ADGRL2: variants seen among roughly 807,000 people sequenced by gnomAD.
The protein encoded by ADGRL2 is calcium-independent alpha-latrotoxin receptor 2.
In ADGRL2, 44 loss-of-function variants were observed where a neutral mutation model predicts 157.4. The observed-to-expected ratio is 0.28, with a 90% CI of 0.22 to 0.36. The LOEUF (loss-of-function observed/expected upper bound fraction) is 0.36. ADGRL2 is among the 10% of genes least tolerant of loss of function. ADGRL2 has a pLI of 1.00. For missense variants in ADGRL2, 1,510 were observed against 1,768.9 expected, an observed-to-expected ratio of 0.85 and a Z score of 2.63; for synonymous variants, 585 against 624.7, an observed-to-expected ratio of 0.94 and a Z score of 0.95.
intron 3 of ADGRL2, among the ~76,000 whole-genome samples, chr1:81,604,294 T>C (rs1286371553): frequency 1.3e-5 from 2 of 152,132 alleles, no homozygotes; most frequent in African/African-American, 2.4e-5. Flanking sequence ...AAACAGAATA[T>C]AGATGAGCTA....
At chr1:81,791,816 T>C (rs537931092) in intron 2 of ADGRL2, among the ~76,000 whole-genome samples, 1 of 152,304 alleles carries the variant, frequency 6.6e-6, no homozygotes, top group Non-Finnish European at 1.5e-5. Context: ...TCATTATTTT[T>C]CTGAGTAAAA....
intron 3 of ADGRL2, among the ~76,000 whole-genome samples, chr1:81,691,849 G>T (rs1216433750): frequency 4.4e-5 from 5 of 113,452 alleles, no homozygotes; most frequent in African/African-American, 1.7e-4. Context: ...GAGGCAAAAT[G>T]GCATATATAT....
intron 1 of ADGRL2, among the ~76,000 whole-genome samples, chr1:81,743,353 T>G (rs2085134279): frequency 6.6e-6 from 1 of 151,210 alleles, no homozygotes; most frequent in Non-Finnish European, 1.5e-5. Flanking sequence ...AATAGGGACA[T>G]TCTTATGGGG....
Position 81,986,942 on chromosome 1 carries a change from C to T in ADGRL2, c.3550C>T (p.Pro1184Ser). 1 of 1,611,298 alleles carries T rather than the reference C, an allele frequency of 6.2e-7. No individual in the cohort carries two copies. The highest frequency in any genetic ancestry group is 8.5e-7 in the Non-Finnish European group (1 of 1,179,096). The change falls in exon 22 of 24, where the codon CCC becomes TCC. Residue 1184 changes from proline (P) to serine (S), a missense_variant. By Grantham distance (74) the Pro-to-Ser change is moderately conservative. Coordinates refer to ENST00000686636, the MANE Select transcript of ADGRL2 (RefSeq NM_001366006.2). ...CCTACTAACAAACCCTCTTCTTCGA[C>T]CCCACGGCACTAACAACCCCTATAA... The part of the protein sequence containing the change: ...NYLLTNPLLR[P>S]HGTNNPYNTL...
At chr1:81,820,647 T>C (rs761265548) in intron 1 of ADGRL2, among the ~76,000 whole-genome samples, 28 of 151,952 alleles carry the variant, frequency 1.8e-4, no homozygotes, top group Non-Finnish European at 3.5e-4. Context: ...CTTCCTTAGA[T>C]GATAAATCAG....
At chr1:81,521,530 T>C (rs2079314712) in intron 2 of ADGRL2, among the ~76,000 whole-genome samples, 1 of 152,190 alleles carries the variant, frequency 6.6e-6, no homozygotes, top group Non-Finnish European at 1.5e-5. Flanking sequence ...TATCTTATAC[T>C]TACCTATATA....
chr1:81,872,524 T>C (rs914595461), intron 2 of ADGRL2, among the ~76,000 whole-genome samples: 1 of 152,132 alleles, frequency 6.6e-6, no homozygotes, highest in Non-Finnish European at 1.5e-5. Context: ...CATTTCTCAT[T>C]GATTTTAGGT....
At chr1:81,713,892 G>T (rs1428048933) in intron 1 of ADGRL2, among the ~76,000 whole-genome samples, 1 of 152,136 alleles carries the variant, frequency 6.6e-6, no homozygotes, top group African/African-American at 2.4e-5. Flanking sequence ...AGACATACCG[G>T]AGACTGGGGA....
At chr1:81,942,757 A>G in intron 5 of ADGRL2, 1 of 606,152 alleles carries the variant, frequency 1.6e-6, no homozygotes, top group Non-Finnish European at 3.0e-6. Context: ...TTGTTAGTGA[A>G]AATAAACATA....
intron 1 of ADGRL2, among the ~76,000 whole-genome samples, chr1:81,384,864 T>C (rs1279946299): frequency 6.6e-6 from 1 of 152,182 alleles, no homozygotes; most frequent in African/African-American, 2.4e-5. Flanking sequence ...ATCCACTCAC[T>C]TTAAGTACAG....
At chr1:81,973,597 A>G (rs543910844) in intron 17 of ADGRL2, among the ~76,000 whole-genome samples, 1 of 152,232 alleles carries the variant, frequency 6.6e-6, no homozygotes, top group Non-Finnish European at 1.5e-5. Flanking sequence ...AATTTTCAAC[A>G]TACTCAGCTT....
intron 1 of ADGRL2, among the ~76,000 whole-genome samples, chr1:81,378,320 G>A (rs2076286359): frequency 1.3e-5 from 2 of 152,072 alleles, no homozygotes. Flanking sequence ...GGAGTCTGAG[G>A]CAAGAGGATG....
chr1:81,770,153 C>CTTTT (rs150798264), intron 2 of ADGRL2, among the ~76,000 whole-genome samples: 6 of 59,580 alleles, frequency 1.0e-4, no homozygotes, highest in Non-Finnish European at 1.8e-4. Flanking sequence ...CTGCACCCAG[C>CTTTT]TTTTTTTTTT....
intron 3 of ADGRL2, among the ~76,000 whole-genome samples, chr1:81,622,310 C>T (rs184521503): frequency 2.6e-4 from 40 of 152,190 alleles, no homozygotes; most frequent in African/African-American, 9.4e-4. Context: ...TGGCCGGGCA[C>T]GGTAGCTCAT....
chr1:81,426,020 C>A (rs1428316695), intron 1 of ADGRL2, among the ~76,000 whole-genome samples: 1 of 152,100 alleles, frequency 6.6e-6, no homozygotes, highest in Admixed American at 6.6e-5. Context: ...GCATGCACCA[C>A]CACACCCAGC....
chr1:81,569,452 A>G (rs2080636762), intron 2 of ADGRL2, among the ~76,000 whole-genome samples: 1 of 152,190 alleles, frequency 6.6e-6, no homozygotes, highest in African/African-American at 2.4e-5. Context: ...TGAGTCAGGA[A>G]TTAAGGGATG....
intron 2 of ADGRL2, among the ~76,000 whole-genome samples, chr1:81,528,111 G>C (rs1254636094): frequency 6.6e-6 from 1 of 152,158 alleles, no homozygotes; most frequent in African/African-American, 2.4e-5. Flanking sequence ...CAAGTACAGA[G>C]TGAACCCTTA....
chr1:81,651,398 C>T (rs1000189429), intron 3 of ADGRL2, among the ~76,000 whole-genome samples: 16 of 152,154 alleles, frequency 1.1e-4, no homozygotes, highest in African/African-American at 3.9e-4. Context: ...GAAATTCTTA[C>T]TCACAGATCA....
intron 1 of ADGRL2, among the ~76,000 whole-genome samples, chr1:81,700,380 A>C (rs1478919002): frequency 6.6e-6 from 1 of 152,212 alleles, no homozygotes; most frequent in South Asian, 2.1e-4. Context: ...ATAAGGATTC[A>C]AAAAGTCTTA....
Sources: gnomAD v4.1 joint callset for allele counts (sites outside exome capture counted in the v4.1 genomes callset) on GRCh38, gnomAD v4.1.1 for gene constraint, MANE v1.5 for transcripts, NCBI Gene and HGNC (gene_info 2026-07-23, HGNC 2026-07-21) for gene names.